Variants in STK3 observed in about 807,000 individuals in gnomAD.
The protein encoded by STK3 is serine/threonine kinase 3, also known as serine/threonine-protein kinase 3.
In STK3, 41 loss-of-function variants were observed where a neutral mutation model predicts 58.0. The observed-to-expected ratio is 0.71, with a 90% CI of 0.55 to 0.92. The LOEUF (loss-of-function observed/expected upper bound fraction) is 0.92, where lower values mean the gene tolerates loss of function less well. Among genes scored for constraint, STK3 ranks in the 40% least tolerant of loss-of-function variants. The pLI, the probability that STK3 is intolerant of heterozygous loss-of-function variation, is 0.00. For missense variants in STK3, 479 were observed against 602.7 expected (o/e 0.79, Z 2.15); for synonymous variants, 170 against 191.0 (o/e 0.89, Z 0.91).
chr8:98,615,948 G>A (rs1242306182), intron 6 of STK3, among the ~76,000 whole-genome samples: 1 of 7,604 alleles, frequency 1.3e-4, no homozygotes, highest in East Asian at 1.8e-3. Context: ...TCAGATTCAG[G>A]AAATACAGAG....
chr8:98,620,925 AT>A (rs534225654), intron 6 of STK3, among the ~76,000 whole-genome samples: 1,605 of 130,258 alleles, frequency 0.012, 2 homozygotes, highest in African/African-American at 0.029. Flanking sequence ...AAAACAACTG[AT>A]TTTTTTTTTT....
chr8:98,926,347 T>C (rs1181255741), intron 1 of STK3, among the ~76,000 whole-genome samples: 2 of 152,190 alleles, frequency 1.3e-5, no homozygotes, highest in Admixed American at 6.5e-5. Flanking sequence ...AACCTATTCA[T>C]TGACCTGGAA....
intron 1 of STK3, among the ~76,000 whole-genome samples, chr8:98,809,481 T>C (rs1005590514): frequency 6.6e-5 from 10 of 152,242 alleles, no homozygotes; most frequent in African/African-American, 2.4e-4. Context: ...ACCAAAATTC[T>C]ATACCCATTA....
intron 3 of STK3, among the ~76,000 whole-genome samples, chr8:98,756,760 C>CT (rs1406035676): frequency 6.6e-6 from 1 of 152,194 alleles, no homozygotes; most frequent in Non-Finnish European, 1.5e-5. Flanking sequence ...AGACAGCAAA[C>CT]TAACTCCCAT....
chr8:98,459,423 G>A (rs559528372), intron 10 of STK3, among the ~76,000 whole-genome samples: 7 of 152,364 alleles, frequency 4.6e-5, no homozygotes, highest in African/African-American at 1.7e-4. Flanking sequence ...TAAAAGGGAA[G>A]CAGAGCATAA....
chr8:98,592,464 T>C (rs1360840311), intron 7 of STK3, among the ~76,000 whole-genome samples: 1 of 152,212 alleles, frequency 6.6e-6, no homozygotes, highest in Non-Finnish European at 1.5e-5. Context: ...AACTTCTACA[T>C]TGTATTATAA....
At chr8:98,879,805 G>T (rs1406436613), downstream of STK3, 2 of 151,990 alleles carry the variant, frequency 1.3e-5, no homozygotes, top group African/African-American at 4.8e-5. Flanking sequence ...TACTAAAAAA[G>T]ATTAAATCAA....
intron 3 of STK3, among the ~76,000 whole-genome samples, chr8:98,878,687 G>T (rs1197210064): frequency 6.6e-6 from 1 of 152,094 alleles, no homozygotes; most frequent in Non-Finnish European, 1.5e-5. Context: ...TCCAGTGTGC[G>T]CTCACCATTG....
At chr8:98,424,838 G>T (rs2131060814) in intron 3 of STK3, among the ~76,000 whole-genome samples, 1 of 152,334 alleles carries the variant, frequency 6.6e-6, no homozygotes, top group African/African-American at 2.4e-5. Context: ...AATGGGAGCG[G>T]CTGGGAATGG....
intron 1 of STK3, among the ~76,000 whole-genome samples, chr8:98,904,081 A>G (rs1838790539): frequency 6.6e-6 from 1 of 152,212 alleles, no homozygotes; most frequent in African/African-American, 2.4e-5. Flanking sequence ...GCTAAATTTC[A>G]GCTAATGCTG....
intron 3 of STK3, among the ~76,000 whole-genome samples, chr8:98,860,835 C>T (rs1200130096): frequency 5.3e-5 from 8 of 152,144 alleles, no homozygotes; most frequent in African/African-American, 1.9e-4. Flanking sequence ...TGGGCAGACA[C>T]CTTGAGTCCA....
At chr8:98,468,561 A>G (rs920818522) in intron 10 of STK3, among the ~76,000 whole-genome samples, 1 of 152,216 alleles carries the variant, frequency 6.6e-6, no homozygotes, top group Non-Finnish European at 1.5e-5. Context: ...CTGAGATTCT[A>G]TTGTTTTTTC....
At chr8:98,438,712 CTGTGTGTG>C (rs55749428) in intron 1 of STK3, 9 of 150,680 alleles carry the variant, frequency 6.0e-5, no homozygotes, top group Non-Finnish European at 1.3e-4. Flanking sequence ...GTGTGAGTCT[CTGTGTGTG>C]TGTGTGTGTG....
chr8:98,528,528 G>A (rs972512521), intron 9 of STK3, among the ~76,000 whole-genome samples: 5 of 151,392 alleles, frequency 3.3e-5, no homozygotes, highest in African/African-American at 9.7e-5. Flanking sequence ...CTCTTGTTGT[G>A]CAGGCTGGAG....
chr8:98,707,382 T>TA, intron 4 of STK3, 71 bp from the exon 5 acceptor site: 1 of 1,167,308 alleles, frequency 8.6e-7, no homozygotes, highest in Non-Finnish European at 1.2e-6. Context: ...AGAGCACTAG[T>TA]AACAAGTATG....
intron 4 of STK3, among the ~76,000 whole-genome samples, chr8:98,710,909 C>T (rs1231904798): frequency 6.6e-6 from 1 of 152,190 alleles, no homozygotes; most frequent in Non-Finnish European, 1.5e-5. Context: ...AGACTGACAC[C>T]TCACACAGCC....
downstream of STK3, among the ~76,000 whole-genome samples, chr8:98,370,838 C>G (rs1389391157): frequency 1.3e-5 from 2 of 152,208 alleles, no homozygotes; most frequent in African/African-American, 4.8e-5. Flanking sequence ...TAAATCCCAT[C>G]TGGATGATCT....
At chr8:98,731,648 G>A (rs567522263) in intron 4 of STK3, among the ~76,000 whole-genome samples, 88 of 151,778 alleles carry the variant, frequency 5.8e-4, no homozygotes, top group Middle Eastern at 3.4e-3. Context: ...GTGTGAACCC[G>A]GGAGGCAGAG....
At chr8:98,658,994 T>C (rs1821761613) in intron 6 of STK3, among the ~76,000 whole-genome samples, 2 of 152,102 alleles carry the variant, frequency 1.3e-5, no homozygotes, top group South Asian at 2.1e-4. Context: ...TGTGTTACAA[T>C]TGCCTACAGT....
Sources: gnomAD v4.1 joint callset for allele counts (sites outside exome capture counted in the v4.1 genomes callset) on GRCh38, gnomAD v4.1.1 for gene constraint, MANE v1.5 for transcripts, NCBI Gene and HGNC (gene_info 2026-07-23, HGNC 2026-07-21) for gene names.